The following COL14A1 variants were observed in gnomAD, a reference collection of about 807,000 sequenced individuals.
COL14A1 encodes collagen type XIV alpha 1 chain, also known as collagen alpha-1(XIV) chain.
In COL14A1, 136 loss-of-function variants were observed where a neutral mutation model predicts 230.3. That is an observed-to-expected ratio of 0.59 (90% CI 0.51 to 0.68). The LOEUF (loss-of-function observed/expected upper bound fraction) is 0.68. Ranked by LOEUF, COL14A1 falls within the 30% of genes least tolerant of loss-of-function variation. The pLI, the probability that COL14A1 is intolerant of heterozygous loss-of-function variation, is 0.00. For missense variants in COL14A1, 1,976 were observed against 2,215.8 expected, an observed-to-expected ratio of 0.89 and a Z score of 2.17; for synonymous variants, 792 against 784.1, an observed-to-expected ratio of 1.01 and a Z score of -0.17.
intron 5 of COL14A1, among the ~76,000 whole-genome samples, chr8:120,172,597 G>A (rs1328246819): frequency 1.3e-5 from 2 of 152,114 alleles, no homozygotes; most frequent in African/African-American, 2.4e-5. Context: ...GGCACATTTT[G>A]GTTGCTACTA....
intron 15 of COL14A1, among the ~76,000 whole-genome samples, chr8:120,226,165 T>C (rs1818087126): frequency 6.6e-6 from 1 of 152,074 alleles, no homozygotes; most frequent in Non-Finnish European, 1.5e-5. Flanking sequence ...GACCACCATA[T>C]GTACAAGTTA....
rs201477295 is a variant in COL14A1, at chr8:120,231,438, T to C, written c.2198-29T>C. The C allele has an allele frequency of 2.8e-4, 456 of 1,607,054 alleles. 1 individual carries two copies. In the African/African-American group the frequency reaches 5.5e-3, roughly 19 times the overall value. ...TTTTGGAATATGATATGTTAAAAGT[T>C]TTTTAATCCTTGGTTGTGTTTATTC... On this transcript the variant is annotated intron_variant, in intron 18 of 47. Transcript: ENST00000297848.
At position 120,197,850 on chromosome 8, in the gene COL14A1, A is replaced by G; in HGVS notation, c.632A>G (p.His211Arg). 1.2e-6 allele frequency: 2 copies of G among 1,613,720 alleles called. No homozygotes were observed. The highest frequency in any genetic ancestry group is 1.7e-6 in the Non-Finnish European group (2 of 1,179,696). The change falls in exon 7 of 48, where the codon CAC becomes CGC. Residue 211 changes from histidine to arginine, a missense_variant. His to Arg is a conservative substitution (Grantham distance 29, BLOSUM62 0). Transcript: ENST00000297848. The part of the protein sequence containing the change: ...QYSGDPRIEW[H>R]LNAFSTKDEV... ...AGTGGTGACCCCAGAATAGAATGGC[A>G]CTTGAATGCATTTAGCACAAAAGAT...
intron 5 of COL14A1, among the ~76,000 whole-genome samples, chr8:120,172,959 A>G (rs6980706): frequency 0.39 from 58,750 of 152,076 alleles, 11,596 homozygotes; most frequent in Admixed American, 0.49. Context: ...GTAAGTAAGT[A>G]GCTTATGATG....
At chr8:120,266,399 TG>T (rs1195517250) in intron 24 of COL14A1, among the ~76,000 whole-genome samples, 2 of 146,286 alleles carry the variant, frequency 1.4e-5, no homozygotes, top group African/African-American at 5.5e-5. Context: ...ACCAGTATCC[TG>T]GGGGATGCAG....
intron 4 of COL14A1, among the ~76,000 whole-genome samples, chr8:120,164,603 C>G (rs1460909575): frequency 6.6e-6 from 1 of 152,160 alleles, no homozygotes; most frequent in Non-Finnish European, 1.5e-5. Flanking sequence ...CTTGAAACTT[C>G]TGAACAAAGA....
At chr8:120,126,044 G>C (rs1466733259) in intron 1 of COL14A1, among the ~76,000 whole-genome samples, 2 of 152,176 alleles carry the variant, frequency 1.3e-5, no homozygotes, top group Non-Finnish European at 2.9e-5. Context: ...TTTGAGAGAG[G>C]CACCGCCAGG....
intron 24 of COL14A1, among the ~76,000 whole-genome samples, chr8:120,265,344 A>G (rs1292506267): frequency 6.6e-6 from 1 of 152,136 alleles, no homozygotes; most frequent in Admixed American, 6.6e-5. Flanking sequence ...AAATTTTAAA[A>G]TTTAAAAAAT....
chr8:120,276,131 A>C (rs1814728243), intron 26 of COL14A1, among the ~76,000 whole-genome samples: 1 of 150,942 alleles, frequency 6.6e-6, no homozygotes, highest in Admixed American at 6.6e-5. Context: ...TATGTAAAAA[A>C]ATATATTATA....
chr8:120,131,814 GTTTTCTTCCTT>G (rs1388376465), intron 1 of COL14A1, among the ~76,000 whole-genome samples: 15 of 137,056 alleles, frequency 1.1e-4, no homozygotes, highest in South Asian at 2.4e-4. Context: ...TATTTGCTAG[GTTTTCTTCCTT>G]TTTTCTTCCT....
intron 19 of COL14A1, among the ~76,000 whole-genome samples, chr8:120,233,889 A>C (rs1818356532): frequency 6.6e-6 from 1 of 152,222 alleles, no homozygotes; most frequent in South Asian, 2.1e-4. Flanking sequence ...ATAACATTGA[A>C]TCTACAAATT....
chr8:120,279,833 C>T, intron 28 of COL14A1, 102 bp from the exon 29 acceptor site: 2 of 1,316,912 alleles, frequency 1.5e-6, no homozygotes, highest in Admixed American at 2.6e-5. Flanking sequence ...CATGGGCCTT[C>T]CTAAATAAAC....
chr8:120,194,819 A>C (rs1816970805), intron 5 of COL14A1, among the ~76,000 whole-genome samples: 1 of 152,180 alleles, frequency 6.6e-6, no homozygotes, highest in African/African-American at 2.4e-5. Context: ...AAAAACAGAG[A>C]AAAATGGGTT....
In COL14A1 at chr8:120,207,030, C is replaced by A; in HGVS notation, c.1127C>A (p.Ala376Asp). The change falls in exon 10 of 48, where the codon GCC becomes GAC. Residue 376 changes from alanine (A) to aspartate (D), a missense_variant. Transcript: ENST00000297848. Reference sequence around the variant, plus strand: ...AGCTTTATGGTTAACTGGACTCATGCCCCAGGAAATGTGGAAAAATACAGA... The same window carrying A: ...AGCTTTATGGTTAACTGGACTCATGACCCAGGAAATGTGGAAAAATACAGA... ...ARSFMVNWTH[A>D]PGNVEKYRVV... 2.5e-6 allele frequency: 4 copies of A among 1,613,632 alleles called. No individual in the cohort carries two copies. Among genetic ancestry groups the A allele is most frequent in the Non-Finnish European group, 2.5e-6 (3 of 1,179,836 alleles).
chr8:120,279,343 A>AAT lies in COL14A1; in HGVS notation c.3482-591_3482-590dup, dbSNP rs556632458. The stretch of plus-strand genomic sequence containing the variant: ...TGTAAAAAAGAAAAAATATTGATTG[A>AAT]ATGTATATATATATATATGGACCAG... On this transcript the variant is annotated intron_variant, in intron 28 of 47. Coordinates refer to ENST00000297848, the MANE Select transcript of COL14A1 (RefSeq NM_021110.4). 8.7e-3 allele frequency among the ~76,000 whole-genome samples: 1,306 copies of AAT among 150,646 alleles called. 14 individuals carry two copies. Among genetic ancestry groups the AAT allele is most frequent in the African/African-American group, 0.026 (1,050 of 40,886 alleles).
chr8:120,200,134 A>G (rs1327205607), intron 8 of COL14A1, among the ~76,000 whole-genome samples: 1 of 140,046 alleles, frequency 7.1e-6, no homozygotes, highest in Non-Finnish European at 1.6e-5. Context: ...AAATGTTAAC[A>G]TTTTCTTTGG....
intron 29 of COL14A1, 59 bp downstream of exon 29, chr8:120,280,158 T>A: frequency 3.2e-6 from 5 of 1,559,544 alleles, no homozygotes; most frequent in Non-Finnish European, 4.4e-6. Context: ...TATTTGACAC[T>A]GGTTAAATAG....
At chr8:120,212,807 GTCTT>G (rs1315255381) in intron 13 of COL14A1, among the ~76,000 whole-genome samples, 1 of 152,126 alleles carries the variant, frequency 6.6e-6, no homozygotes, top group East Asian at 1.9e-4. Context: ...TTCCACCTAT[GTCTT>G]TCTTTGTCTA....
At chr8:120,344,052 A>G (rs936213612) in intron 44 of COL14A1, among the ~76,000 whole-genome samples, 1 of 152,234 alleles carries the variant, frequency 6.6e-6, no homozygotes, top group East Asian at 1.9e-4. Flanking sequence ...ACGAATTCTC[A>G]GAGTCTTGTG....
Sources: gnomAD v4.1 joint callset for allele counts (sites outside exome capture counted in the v4.1 genomes callset) on GRCh38, gnomAD v4.1.1 for gene constraint, MANE v1.5 for transcripts, NCBI Gene and HGNC (gene_info 2026-07-23, HGNC 2026-07-21) for gene names.